Variants in UBE2E3 observed in about 807,000 individuals in gnomAD.
UBE2E3 encodes ubiquitin-conjugating enzyme E2 E3.
UBE2E3 carries 5 observed loss-of-function variants against 23.6 expected under a neutral mutation model. The observed-to-expected ratio is 0.21, with a 90% CI of 0.11 to 0.44. The LOEUF (loss-of-function observed/expected upper bound fraction) is 0.44, where lower values mean the gene tolerates loss of function less well. Among genes scored for constraint, UBE2E3 ranks in the 20% least tolerant of loss-of-function variants. The probability of loss-of-function intolerance (pLI) is 0.99; values close to 1 mark genes in which losing one functional copy is unlikely to be tolerated. For missense variants in UBE2E3, 81 were observed against 249.8 expected, an observed-to-expected ratio of 0.32 and a Z score of 4.55; for synonymous variants, 78 against 87.5, an observed-to-expected ratio of 0.89 and a Z score of 0.60.
chr2:180,985,008 C>T (rs1012541745), intron 3 of UBE2E3, among the ~76,000 whole-genome samples: 1 of 152,004 alleles, frequency 6.6e-6, no homozygotes, highest in African/African-American at 2.4e-5. Context: ...TCATGTTTAA[C>T]CTGTATTTTT....
At chr2:180,986,834 GA>G (rs934804058) in intron 3 of UBE2E3, among the ~76,000 whole-genome samples, 28 of 152,164 alleles carry the variant, frequency 1.8e-4, no homozygotes, top group African/African-American at 6.7e-4. Flanking sequence ...AAAGTTGAAT[GA>G]AACACAAGAA....
Position 181,018,511 on chromosome 2 carries a change from T to C in UBE2E3, c.245+34418T>C, listed in dbSNP as rs191859151. On this transcript the variant is annotated intron_variant, in intron 3 of 5. Transcript: ENST00000410062. ...GCAGTTAATCTATTCTTGATGAGCT[T>C]TTGTGCCCGAGGACTCAGGGGAGTA... Among the ~76,000 whole-genome samples the C allele has an allele frequency of 2.3e-3, 352 of 152,150 alleles. 1 individual carries two copies. Among genetic ancestry groups the C allele is most frequent in the African/African-American group, 8.2e-3 (340 of 41,532 alleles).
chr2:180,984,649 C>G (rs1325424868), intron 3 of UBE2E3, among the ~76,000 whole-genome samples: 3 of 152,114 alleles, frequency 2.0e-5, no homozygotes, highest in Admixed American at 2.0e-4. Context: ...AGCAAATGTC[C>G]TAATTGCTTG....
chr2:181,013,087 G>A (rs545200369), intron 3 of UBE2E3, among the ~76,000 whole-genome samples: 3 of 151,934 alleles, frequency 2.0e-5, no homozygotes, highest in Non-Finnish European at 4.4e-5. Flanking sequence ...TCAGCTTCCC[G>A]AGTAGCTGGG....
chr2:180,982,482 A>G (rs1472176893), intron 2 of UBE2E3, among the ~76,000 whole-genome samples: 2 of 152,244 alleles, frequency 1.3e-5, no homozygotes, highest in Admixed American at 6.5e-5. Context: ...AGTAGAGATT[A>G]GACTAACATT....
At position 180,991,574 on chromosome 2, in the gene UBE2E3, G is replaced by A. The variant is rs146016470; in HGVS notation, c.245+7481G>A. Among the ~76,000 whole-genome samples the A allele has an allele frequency of 7.5e-4, 114 of 152,338 alleles. 2 individuals are homozygous for A. In the East Asian group the frequency reaches 0.021, roughly 28 times the overall value. ...ACCTGCGGCCCTTGGGCCACCTGGT[G>A]GCCAGGATGTCTTTGATTGTGGCAC... On this transcript the variant is annotated intron_variant, in intron 3 of 5. Transcript: ENST00000410062.
chr2:181,046,314 C>T (rs546612807), intron 3 of UBE2E3, among the ~76,000 whole-genome samples: 7 of 152,234 alleles, frequency 4.6e-5, no homozygotes, highest in Admixed American at 3.3e-4. Flanking sequence ...AAAAATGTAG[C>T]ACAAAACACA....
At chr2:181,004,312 G>A (rs928895760) in intron 3 of UBE2E3, among the ~76,000 whole-genome samples, 54 of 152,222 alleles carry the variant, frequency 3.5e-4, no homozygotes, top group African/African-American at 1.3e-3. Flanking sequence ...TTATTTGTAT[G>A]CAAAAAATTA....
intron 3 of UBE2E3, among the ~76,000 whole-genome samples, chr2:181,038,109 C>G (rs1056474111): frequency 6.6e-6 from 1 of 152,182 alleles, no homozygotes; most frequent in Non-Finnish European, 1.5e-5. Context: ...TCACTACTCA[C>G]CCCTGACTCA....
intron 1 of UBE2E3, 53 bp downstream of exon 1, chr2:180,981,026 C>A (rs1487015214): frequency 6.9e-6 from 1 of 145,654 alleles, no homozygotes; most frequent in Admixed American, 6.8e-5. Context: ...GCGGCGGCGG[C>A]GGTGGGGGAG....
chr2:181,008,529 A>G (rs573738368), intron 3 of UBE2E3, among the ~76,000 whole-genome samples: 19 of 152,326 alleles, frequency 1.2e-4, no homozygotes, highest in South Asian at 2.1e-4. Context: ...CTGAGGTCCA[A>G]CTGGATATAT....
At chr2:181,000,134 C>T (rs1179285368) in intron 3 of UBE2E3, among the ~76,000 whole-genome samples, 1 of 152,146 alleles carries the variant, frequency 6.6e-6, no homozygotes, top group Non-Finnish European at 1.5e-5. Flanking sequence ...TAGATACATA[C>T]ATATTTATAG....
intron 3 of UBE2E3, among the ~76,000 whole-genome samples, chr2:181,046,973 C>T (rs1205826120): frequency 6.6e-6 from 1 of 152,040 alleles, no homozygotes; most frequent in African/African-American, 2.4e-5. Context: ...ACTAGGTTTC[C>T]TTTTCACTAC....
chr2:181,000,975 G>A (rs1455530203), intron 3 of UBE2E3, among the ~76,000 whole-genome samples: 2 of 152,154 alleles, frequency 1.3e-5, no homozygotes, highest in Non-Finnish European at 2.9e-5. Flanking sequence ...TACAAATAAT[G>A]TATGTTGTGC....
At chr2:181,046,474 T>G (rs142947758) in intron 3 of UBE2E3, among the ~76,000 whole-genome samples, 57 of 152,302 alleles carry the variant, frequency 3.7e-4, no homozygotes, top group African/African-American at 1.3e-3. Context: ...CTTGACACAT[T>G]TATCAACTGT....
chr2:180,991,658 G>GT (rs1190473484), intron 3 of UBE2E3, among the ~76,000 whole-genome samples: 15 of 152,168 alleles, frequency 9.9e-5, no homozygotes, highest in Admixed American at 7.8e-4. Context: ...TTGTTTGTTT[G>GT]TTTTTTTAGC....
At chr2:181,035,298 C>G (rs909836189) in intron 3 of UBE2E3, among the ~76,000 whole-genome samples, 3 of 152,098 alleles carry the variant, frequency 2.0e-5, no homozygotes, top group Non-Finnish European at 4.4e-5. Context: ...ACTATTCTTT[C>G]AAGGGTTGCA....
chr2:180,994,286 G>A (rs1334199804), intron 3 of UBE2E3, among the ~76,000 whole-genome samples: 1 of 152,034 alleles, frequency 6.6e-6, no homozygotes, highest in Non-Finnish European at 1.5e-5. Context: ...TGAAACATAT[G>A]CAAAAGTAAA....
intron 3 of UBE2E3, among the ~76,000 whole-genome samples, chr2:181,019,254 C>A (rs541584309): frequency 6.6e-6 from 1 of 152,334 alleles, no homozygotes; most frequent in South Asian, 2.1e-4. Context: ...ACCGCCGCAC[C>A]CGGCCTAGCT....
Sources: allele counts gnomAD v4.1 joint callset (sites outside exome capture counted in the v4.1 genomes callset), GRCh38; gene constraint gnomAD v4.1.1; transcripts MANE v1.5; gene names NCBI Gene and HGNC (gene_info 2026-07-23, HGNC 2026-07-21).